Variants in GPR135 observed in about 807,000 individuals in gnomAD.
GPR135 encodes the protein G protein-coupled receptor 135, also known as G-protein coupled receptor 135.
GPR135 carries 17 observed loss-of-function variants against 15.0 expected under a neutral mutation model. The ratio of observed to expected loss-of-function variants is 1.13; its 90% CI spans 0.78 to 1.70. The LOEUF is 1.70. Ranked by LOEUF, GPR135 falls within the 40% of genes most tolerant of loss-of-function variation. The pLI is 0.00. For missense variants in GPR135, 776 were observed against 727.0 expected (o/e 1.07, Z -0.78); for synonymous variants, 368 against 349.4 (o/e 1.05, Z -0.59).
chr14:59,456,258 T>C (rs528364422), downstream of GPR135, among the ~76,000 whole-genome samples: 1 of 152,270 alleles, frequency 6.6e-6, no homozygotes, highest in African/African-American at 2.4e-5. Context: ...AGTCACTAAG[T>C]ACAGCTCACA....
At position 59,464,903 on chromosome 14, in the gene GPR135, G is replaced by T; in HGVS notation, c.324C>A (p.Leu108=). The T allele has an allele frequency of 6.2e-7, 1 of 1,602,372 alleles. No homozygotes were observed. Among genetic ancestry groups the T allele is most frequent in the Non-Finnish European group, 8.5e-7 (1 of 1,175,566 alleles). ...ACAGCAGGAAGATGAGCAGGAGGAC[G>T]AGCGCCTGGGCCGCCACTGCAGCTC... ...SHGAAVAAQA[L]VLLLIFLLSS... is the part of the protein sequence containing the mutation. The change falls in exon 1 of 1, where the codon CTC becomes CTA. Residue 108 remains leucine, a synonymous_variant. Transcript: ENST00000395116.
chr14:59,452,880 C>A (rs1888534502), intron 6 of GPR135, among the ~76,000 whole-genome samples: 2 of 152,040 alleles, frequency 1.3e-5, no homozygotes, highest in Non-Finnish European at 2.9e-5. Context: ...TACATCCAGA[C>A]AATGGAATAT....
In GPR135 at chr14:59,464,654, G is replaced by A. The variant is rs747988809; in HGVS notation, c.573C>T (p.Ser191=). ...GCGTGGACACGATGCCGAAGCACGA[G>A]CTGAAGAAGCGGCTGGCGGCGCAGA... ...RGFCAASRFF[S]SCFGIVSTLS... is the part of the protein sequence containing the mutation. Residue 191 remains serine, a synonymous_variant, in exon 1 of 1, where the codon AGC becomes AGT. Coordinates refer to ENST00000395116, the MANE Select transcript of GPR135 (RefSeq NM_022571.6). The A allele has an allele frequency of 2.6e-5, 41 of 1,596,000 alleles. No homozygotes were observed. Among genetic ancestry groups the A allele is most frequent in the Non-Finnish European group, 1.4e-5 (16 of 1,176,958 alleles).
At chr14:59,455,274 G>A (rs1252549775) in intron 6 of GPR135, among the ~76,000 whole-genome samples, 4 of 152,252 alleles carry the variant, frequency 2.6e-5, no homozygotes, top group South Asian at 2.1e-4. Context: ...GAGGACCTGC[G>A]TCTTGATTCC....
rs754454546 is a variant in GPR135, at chr14:59,465,143, G to T, written c.84C>A (p.Gly28=). 3.0e-6 allele frequency: 4 copies of T among 1,354,526 alleles called. No individual in the cohort carries two copies. Among genetic ancestry groups the T allele is most frequent in the Non-Finnish European group, 2.8e-6 (3 of 1,054,150 alleles). The allele number at this position is 1,354,526 out of a possible 1,614,324, so 83.9% of individuals were successfully genotyped here. A position where few individuals can be genotyped will look rare whatever the true frequency, so the allele number is the denominator to read the frequency against. ...SQHSGAPSAA[G]PPGGTSSAAT... is the part of the protein sequence containing the mutation. ...CCGCGGAGGAAGTCCCGCCAGGTGGGCCGGCCGCGGAGGGGGCGCCGGAGT... is the reference window on the plus strand; with the variant it reads ...CCGCGGAGGAAGTCCCGCCAGGTGGTCCGGCCGCGGAGGGGGCGCCGGAGT... Residue 28 remains glycine, a synonymous_variant, in exon 1 of 1, where the codon GGC becomes GGA. Coordinates refer to ENST00000395116, the MANE Select transcript of GPR135 (RefSeq NM_022571.6).
chr14:59,454,576 G>C (rs1327453465), intron 6 of GPR135, among the ~76,000 whole-genome samples: 2 of 152,170 alleles, frequency 1.3e-5, no homozygotes, highest in Non-Finnish European at 2.9e-5. Context: ...TTTTTCCACT[G>C]TATTTCCTTG....
Position 59,463,968 on chromosome 14 carries a change from G to C in GPR135, c.1259C>G (p.Pro420Arg). Reference sequence around the variant, plus strand: ...ACTGCGGCTTCTGGCTTGCAGACCCGGGCCCTGGCTGGGCAGGAAAGCGTC... The same window carrying C: ...ACTGCGGCTTCTGGCTTGCAGACCCCGGCCCTGGCTGGGCAGGAAAGCGTC... ...NVDAFLPSQG[P>R]GLQARSRSRL... Residue 420 changes from proline to arginine, a missense_variant, in exon 1 of 1, where the codon CCG becomes CGG. Coordinates refer to ENST00000395116, the MANE Select transcript of GPR135 (RefSeq NM_022571.6). 1 of 1,613,954 alleles carries C rather than the reference G, an allele frequency of 6.2e-7. No individual in the cohort carries two copies. Among genetic ancestry groups the C allele is most frequent in the Non-Finnish European group, 8.5e-7 (1 of 1,180,014 alleles).
downstream of GPR135, among the ~76,000 whole-genome samples, chr14:59,457,769 T>C (rs1344927171): frequency 6.6e-6 from 1 of 152,252 alleles, no homozygotes; most frequent in African/African-American, 2.4e-5. Flanking sequence ...AACATATTCA[T>C]AATGTCTACT....
chr14:59,457,563 T>C (rs937427079), downstream of GPR135, among the ~76,000 whole-genome samples: 6 of 152,200 alleles, frequency 3.9e-5, no homozygotes, highest in Admixed American at 3.9e-4. Flanking sequence ...ATATTCAAGT[T>C]TGCTAATTCT....
At chr14:59,460,714 A>C (rs1344375568), downstream of GPR135, 2 of 152,238 alleles carry the variant, frequency 1.3e-5, no homozygotes, top group Non-Finnish European at 2.9e-5. Context: ...CACCCAAATG[A>C]AATACCCAAA....
chr14:59,456,508 A>C (rs1014229038), downstream of GPR135: 1 of 152,296 alleles, frequency 6.6e-6, no homozygotes, highest in East Asian at 1.9e-4. Flanking sequence ...AAACAATCAC[A>C]CTCATAACTT....
chr14:59,454,372 A>C (rs939610255), intron 6 of GPR135, among the ~76,000 whole-genome samples: 4 of 152,122 alleles, frequency 2.6e-5, no homozygotes, highest in Non-Finnish European at 5.9e-5. Context: ...TGACTAATAC[A>C]CGTGGTTTAT....
Position 59,465,234 on chromosome 14 carries a change from A to G in GPR135, c.-8T>C, listed in dbSNP as rs1199886336. On this transcript the variant is annotated 5_prime_UTR_variant, in exon 1 of 1. Transcript: ENST00000395116. The stretch of plus-strand genomic sequence containing the variant: ...CGGCTGCGGCTCCTCCATGGGGCCC[A>G]GTGGCGGCCGCGGATCTCCTCATCC... 10 of 1,227,266 alleles carry G rather than the reference A, an allele frequency of 8.1e-6. No homozygotes were observed. In the South Asian group the frequency reaches 2.3e-4, roughly 28 times the overall value. 76.0% of individuals were successfully genotyped at this position (1,227,266 alleles called of 1,614,324 possible).
In GPR135 at chr14:59,461,617, A is replaced by C. The variant is rs1888860484; in HGVS notation, c.*2125T>G. 1 of 151,798 alleles carries C rather than the reference A, an allele frequency of 6.6e-6. No homozygotes were observed. The highest frequency in any genetic ancestry group is 1.5e-5 in the Non-Finnish European group (1 of 67,958). The allele number at this position is 151,798 out of a possible 1,614,324, so 9.4% of individuals were successfully genotyped here. On this transcript the variant is annotated 3_prime_UTR_variant, in exon 1 of 1. Coordinates refer to ENST00000395116, the MANE Select transcript of GPR135 (RefSeq NM_022571.6). Reference sequence around the variant, plus strand: ...AATCTCTCAGATTTTCCCTTCACTCACCAGGTAGGTTTATTCTATATCACA... The same window carrying C: ...AATCTCTCAGATTTTCCCTTCACTCCCCAGGTAGGTTTATTCTATATCACA...
chr14:59,453,454 A>T (rs753148857), intron 6 of GPR135, among the ~76,000 whole-genome samples: 3 of 152,246 alleles, frequency 2.0e-5, no homozygotes, highest in African/African-American at 7.2e-5. Flanking sequence ...AATGCTGTCC[A>T]CTAAGCACAA....
rs1361600740 is a variant in GPR135, at chr14:59,465,151, C to T, written c.76G>A (p.Ala26Thr). The T allele has an allele frequency of 4.5e-6, 6 of 1,343,784 alleles. No individual in the cohort carries two copies. Among genetic ancestry groups the T allele is most frequent in the Non-Finnish European group, 5.7e-6 (6 of 1,049,216 alleles). 83.2% of individuals were successfully genotyped at this position (1,343,784 alleles called of 1,614,324 possible). A position where few individuals can be genotyped will look rare whatever the true frequency, so the allele number is the denominator to read the frequency against. ...LGSQHSGAPS[A>T]AGPPGGTSSA... is the part of the protein sequence containing the mutation. ...GAAGTCCCGCCAGGTGGGCCGGCCG[C>T]GGAGGGGGCGCCGGAGTGCTGGCTG... Residue 26 changes from alanine to threonine, a missense_variant, in exon 1 of 1, where the codon GCG becomes ACG. Physicochemically the swap from Ala to Thr is moderately conservative, Grantham distance 58 (BLOSUM62 0). Transcript: ENST00000395116.
rs1234068909 is a variant in GPR135, at chr14:59,463,639, T to C, written c.*103A>G. On this transcript the variant is annotated 3_prime_UTR_variant, in exon 1 of 1. Transcript: ENST00000395116. ...GGTAAGCCTCCCCCGTCTCTAGCTT[T>C]AAATGTTTGGCTTTATGAAATCCAC... 1 of 1,145,754 alleles carries C rather than the reference T, an allele frequency of 8.7e-7. No individual in the cohort carries two copies. The highest frequency in any genetic ancestry group is 2.5e-5 in the East Asian group (1 of 39,824). The allele number at this position is 1,145,754 out of a possible 1,614,324, so 71.0% of individuals were successfully genotyped here. A position where few individuals can be genotyped will look rare whatever the true frequency, so the allele number is the denominator to read the frequency against.
downstream of GPR135, among the ~76,000 whole-genome samples, chr14:59,455,942 C>T (rs1291643013): frequency 6.6e-6 from 1 of 152,152 alleles, no homozygotes; most frequent in African/African-American, 2.4e-5. Flanking sequence ...TTGAGGATAG[C>T]CATGTGATAT....
At chr14:59,455,103 A>C (rs942614688) in intron 6 of GPR135, among the ~76,000 whole-genome samples, 2 of 152,090 alleles carry the variant, frequency 1.3e-5, no homozygotes, top group Non-Finnish European at 2.9e-5. Context: ...CATCTCAAAA[A>C]AAAAAAAAAT....
Sources: allele counts gnomAD v4.1 joint callset (sites outside exome capture counted in the v4.1 genomes callset), GRCh38; gene constraint gnomAD v4.1.1; transcripts MANE v1.5; gene names NCBI Gene and HGNC (gene_info 2026-07-23, HGNC 2026-07-21).